PLPPR1: variants seen among roughly 807,000 people sequenced by gnomAD.
PLPPR1 encodes the protein phospholipid phosphatase-related protein type 1.
A neutral mutation model predicts 33.1 loss-of-function variants in PLPPR1; 10 were observed. The observed-to-expected ratio is 0.30, with a 90% CI of 0.19 to 0.51. The LOEUF (loss-of-function observed/expected upper bound fraction) is 0.51, where lower values mean the gene tolerates loss of function less well. PLPPR1 is among the 20% of genes least tolerant of loss of function. PLPPR1 has a pLI of 0.97. For synonymous variants in PLPPR1, 151 were observed against 151.0 expected (o/e 1.00, Z 0.00); for missense variants, 304 against 408.1 (o/e 0.74, Z 2.20).
intron 1 of PLPPR1, among the ~76,000 whole-genome samples, chr9:101,053,756 A>G (rs1830250403): frequency 6.6e-6 from 1 of 152,180 alleles, no homozygotes; most frequent in Non-Finnish European, 1.5e-5. Flanking sequence ...ATGCATCTTG[A>G]AGGATAGTCT....
intron 1 of PLPPR1, among the ~76,000 whole-genome samples, chr9:101,165,295 G>A (rs1051188397): frequency 2.0e-5 from 3 of 152,154 alleles, no homozygotes; most frequent in South Asian, 2.1e-4. Flanking sequence ...GGTTAAGCAC[G>A]AAATCAATGG....
chr9:101,256,285 A>G (rs1456842624), intron 2 of PLPPR1, among the ~76,000 whole-genome samples: 1 of 152,190 alleles, frequency 6.6e-6, no homozygotes, highest in African/African-American at 2.4e-5. Context: ...AATTTTTAAA[A>G]TATTAGGTAG....
chr9:101,304,881 C>G (rs1828827016), intron 4 of PLPPR1, among the ~76,000 whole-genome samples: 1 of 152,182 alleles, frequency 6.6e-6, no homozygotes, highest in South Asian at 2.1e-4. Flanking sequence ...GCCACGCTCT[C>G]CAGAACACGT....
intron 2 of PLPPR1, among the ~76,000 whole-genome samples, chr9:101,222,155 A>G (rs933206703): frequency 1.3e-5 from 2 of 152,192 alleles, no homozygotes; most frequent in African/African-American, 4.8e-5. Flanking sequence ...TGGGAATTGA[A>G]GTAGCACCTG....
intron 7 of PLPPR1, among the ~76,000 whole-genome samples, chr9:101,322,198 C>CAAAA (rs57344415): frequency 3.6e-3 from 99 of 27,672 alleles, no homozygotes; most frequent in East Asian, 8.0e-3. Flanking sequence ...GACTTCATCT[C>CAAAA]AAAAAAAAAA....
chr9:101,050,605 T>C (rs1034548446), intron 1 of PLPPR1, among the ~76,000 whole-genome samples: 3 of 152,160 alleles, frequency 2.0e-5, no homozygotes, highest in Non-Finnish European at 4.4e-5. Flanking sequence ...GTTTGAGTAT[T>C]GTGGAGTAGG....
chr9:101,073,273 A>G (rs1258068743), intron 1 of PLPPR1, among the ~76,000 whole-genome samples: 4 of 152,112 alleles, frequency 2.6e-5, no homozygotes, highest in African/African-American at 7.2e-5. Context: ...CAGCCAATCT[A>G]TTGCACAAAT....
rs749367626 is a variant in PLPPR1, at chr9:101,286,157, G to T, written c.306G>T (p.Leu102=). 6.2e-7 allele frequency: 1 copy of T among 1,612,896 alleles called. No homozygotes were observed. ...MYFIKSTRES[L]IAQEKTILTG... ...TCATAAAATCAACAAGAGAATCCCT[G>T]ATTGCTCAGGAGAAAACAATTCTGA... is the stretch of plus-strand genomic sequence containing the variant. Residue 102 remains leucine (L), a synonymous_variant, in exon 4 of 8, where the codon CTG becomes CTT. Transcript: ENST00000374874.
intron 1 of PLPPR1, among the ~76,000 whole-genome samples, chr9:101,078,170 GA>G (rs1830567789): frequency 4.5e-4 from 18 of 40,366 alleles, no homozygotes; most frequent in South Asian, 2.0e-3. Context: ...AGAAGAAGAA[GA>G]AGAAGAAGAA....
rs749356264 is a variant in PLPPR1 at position 101,324,108 on chromosome 9, A to C, written c.*51A>C. ...TTTTAAAATCATCTTCCAATTCTAT[A>C]CTTCAAAACACACAGTTGCTCAATG... On this transcript the variant is annotated 3_prime_UTR_variant, in exon 8 of 8. Coordinates refer to ENST00000374874, the MANE Select transcript of PLPPR1 (RefSeq NM_207299.2). The C allele has an allele frequency of 2.1e-6, 3 of 1,450,388 alleles. No individual in the cohort carries two copies. In the Admixed American group the frequency reaches 5.1e-5, roughly 24 times the overall value. 89.8% of individuals were successfully genotyped at this position (1,450,388 alleles called of 1,614,324 possible).
intron 1 of PLPPR1, among the ~76,000 whole-genome samples, chr9:101,087,207 A>T (rs530147201): frequency 1.3e-4 from 18 of 143,410 alleles, no homozygotes; most frequent in African/African-American, 2.6e-5. Context: ...AAATAAAAAT[A>T]AAAAAAATTG....
Position 101,109,134 on chromosome 9 carries a change from ATTT to A in PLPPR1, c.-45-76294_-45-76292del, listed in dbSNP as rs67666339. Among the ~76,000 whole-genome samples the A allele has an allele frequency of 1.5e-3, 149 of 99,738 alleles. 2 individuals are homozygous for A. The East Asian group carries it at 0.017, about 12-fold the overall frequency. 65.4% of individuals were successfully genotyped at this position (99,738 alleles called of 152,430 possible). A position where few individuals can be genotyped will look rare whatever the true frequency, so the allele number is the denominator to read the frequency against. On this transcript the variant is annotated intron_variant, in intron 1 of 7. Transcript: ENST00000374874. ...CCACCACGCCTGGCTAATTTTTTGT[ATTT>A]TTTTTTTTTTTTTTTTTTTTTAGTA...
At chr9:101,263,044 A>G (rs1827928724) in intron 2 of PLPPR1, among the ~76,000 whole-genome samples, 1 of 152,154 alleles carries the variant, frequency 6.6e-6, no homozygotes, top group South Asian at 2.1e-4. Flanking sequence ...TAGGAGAAAT[A>G]CCTAATGTAC....
intron 1 of PLPPR1, among the ~76,000 whole-genome samples, chr9:101,074,513 CT>C (rs1218879623): frequency 6.6e-6 from 1 of 152,126 alleles, no homozygotes; most frequent in African/African-American, 2.4e-5. Flanking sequence ...CATCAAGGCT[CT>C]GTCCATTCTT....
chr9:101,065,228 C>A (rs933665405), intron 1 of PLPPR1, among the ~76,000 whole-genome samples: 2 of 152,070 alleles, frequency 1.3e-5, no homozygotes, highest in Non-Finnish European at 2.9e-5. Context: ...CACTTAACCT[C>A]CTCCATGCAC....
chr9:101,155,094 AAAACTT>A (rs1432765936), intron 1 of PLPPR1, among the ~76,000 whole-genome samples: 1 of 142,134 alleles, frequency 7.0e-6, no homozygotes, highest in African/African-American at 2.6e-5. Flanking sequence ...CATGTACACT[AAAACTT>A]AAAGTATAAT....
chr9:101,041,000 C>A (rs1310908400), intron 1 of PLPPR1, among the ~76,000 whole-genome samples: 3 of 152,170 alleles, frequency 2.0e-5, no homozygotes, highest in Non-Finnish European at 1.5e-5. Context: ...AGCAAGAGAA[C>A]ATCTAAAATG....
At chr9:101,177,966 A>G (rs1310276945) in intron 1 of PLPPR1, among the ~76,000 whole-genome samples, 1 of 152,244 alleles carries the variant, frequency 6.6e-6, no homozygotes, top group Non-Finnish European at 1.5e-5. Context: ...TAACAAGGAA[A>G]GTCTCTGAGT....
chr9:101,132,495 G>C (rs1831324880), intron 1 of PLPPR1, among the ~76,000 whole-genome samples: 2 of 152,172 alleles, frequency 1.3e-5, no homozygotes, highest in East Asian at 1.9e-4. Flanking sequence ...TGGTTACCAG[G>C]AGTTGGGGAT....
Sources: gnomAD v4.1 joint callset for allele counts (sites outside exome capture counted in the v4.1 genomes callset) on GRCh38, gnomAD v4.1.1 for gene constraint, MANE v1.5 for transcripts, NCBI Gene and HGNC (gene_info 2026-07-23, HGNC 2026-07-21) for gene names.